The following HEMK2 variants were observed in gnomAD, a reference collection of about 807,000 sequenced individuals.
HEMK2 encodes HemK methyltransferase 2, ETF1 glutamine and histone H4 lysine, also known as methyltransferase HEMK2.
the HEMK2 span, among the ~76,000 whole-genome samples, chr21:28,805,259 C>T: frequency 6.6e-6 from 1 of 152,162 alleles, no homozygotes; most frequent in African/African-American, 2.4e-5. Context: ...GAAATAGTGG[C>T]TTCAGTTCCC....
chr21:28,721,332 C>A, the HEMK2 span, among the ~76,000 whole-genome samples: 2 of 152,042 alleles, frequency 1.3e-5, no homozygotes. Context: ...CCAGGCTGGT[C>A]TCGAACTCCT....
the HEMK2 span, among the ~76,000 whole-genome samples, chr21:28,784,042 C>T: frequency 2.6e-5 from 4 of 152,194 alleles, no homozygotes; most frequent in Non-Finnish European, 4.4e-5. Flanking sequence ...CCTCCCCCCA[C>T]GGCGGTGGGC....
At chr21:28,604,873 T>C in the HEMK2 span, among the ~76,000 whole-genome samples, 1 of 152,212 alleles carries the variant, frequency 6.6e-6, no homozygotes, top group African/African-American at 2.4e-5. Flanking sequence ...AGTTGAAGTC[T>C]TCTTTGATGC....
the HEMK2 span, among the ~76,000 whole-genome samples, chr21:28,731,565 T>C: frequency 7.0e-6 from 1 of 143,448 alleles, no homozygotes; most frequent in African/African-American, 2.6e-5. Context: ...AAGTGAGCAG[T>C]TGCTCACAGG....
the HEMK2 span, among the ~76,000 whole-genome samples, chr21:28,858,068 T>G: frequency 6.6e-6 from 1 of 152,372 alleles, no homozygotes; most frequent in South Asian, 2.1e-4. Flanking sequence ...ACAAAACAGC[T>G]GCAAGGTTCT....
At chr21:28,579,557 A>T in the HEMK2 span, among the ~76,000 whole-genome samples, 1 of 152,176 alleles carries the variant, frequency 6.6e-6, no homozygotes, top group Non-Finnish European at 1.5e-5. Flanking sequence ...AGTATACTTA[A>T]ATGTAGATGT....
the HEMK2 span, among the ~76,000 whole-genome samples, chr21:28,841,766 TACTC>T: frequency 6.6e-6 from 1 of 151,712 alleles, no homozygotes; most frequent in South Asian, 2.1e-4. Flanking sequence ...CTAAAGAACT[TACTC>T]ATGTAACCAA....
the HEMK2 span, among the ~76,000 whole-genome samples, chr21:28,849,188 G>A: frequency 4.6e-5 from 7 of 152,216 alleles, no homozygotes; most frequent in East Asian, 1.3e-3. Context: ...AAAGCCAGGG[G>A]CCCAGTACCA....
chr21:28,729,746 G>A, the HEMK2 span, among the ~76,000 whole-genome samples: 1 of 152,172 alleles, frequency 6.6e-6, no homozygotes, highest in Non-Finnish European at 1.5e-5. Flanking sequence ...ACAGGCTGTG[G>A]GTTGGACAAG....
At chr21:28,680,844 T>C in the HEMK2 span, among the ~76,000 whole-genome samples, 1 of 152,264 alleles carries the variant, frequency 6.6e-6, no homozygotes, top group Non-Finnish European at 1.5e-5. Context: ...TTTGACAAAA[T>C]TCAACAACCC....
the HEMK2 span, among the ~76,000 whole-genome samples, chr21:28,725,844 G>A: frequency 0.47 from 71,102 of 152,034 alleles, 18,409 homozygotes; most frequent in East Asian, 0.84. Flanking sequence ...ACATCTATAG[G>A]CTTTCTTGGT....
chr21:28,675,512 C>A, the HEMK2 span, among the ~76,000 whole-genome samples: 2 of 152,150 alleles, frequency 1.3e-5, no homozygotes, highest in African/African-American at 2.4e-5. Context: ...AAAAAGAGGG[C>A]AAGTTGAACA....
the HEMK2 span, among the ~76,000 whole-genome samples, chr21:28,784,613 C>G: frequency 1.8e-3 from 279 of 152,118 alleles, 3 homozygotes; most frequent in African/African-American, 6.5e-3. Flanking sequence ...AATCAGCACC[C>G]TGTGTCTAGC....
the HEMK2 span, among the ~76,000 whole-genome samples, chr21:28,667,114 T>C: frequency 6.6e-6 from 1 of 152,176 alleles, no homozygotes; most frequent in East Asian, 1.9e-4. Flanking sequence ...GAAATAAAGA[T>C]AATATATATA....
chr21:28,768,225 T>C, the HEMK2 span, among the ~76,000 whole-genome samples: 1 of 152,114 alleles, frequency 6.6e-6, no homozygotes, highest in African/African-American at 2.4e-5. Flanking sequence ...TGGAGACCAC[T>C]GGAGGTTGGT....
chr21:28,788,207 T>C, the HEMK2 span, among the ~76,000 whole-genome samples: 6 of 128,910 alleles, frequency 4.7e-5, no homozygotes, highest in South Asian at 4.5e-4. Flanking sequence ...TACGTATATA[T>C]ACGTATATAT....
At chr21:28,846,137 T>A in the HEMK2 span, among the ~76,000 whole-genome samples, 1,277 of 152,316 alleles carry the variant, frequency 8.4e-3, 16 homozygotes, top group African/African-American at 0.029. Context: ...TTATTCTTTT[T>A]TATGGCCGCA....
the HEMK2 span, among the ~76,000 whole-genome samples, chr21:28,829,483 A>C: frequency 2.0e-5 from 3 of 152,144 alleles, no homozygotes; most frequent in Non-Finnish European, 4.4e-5. Context: ...CTGACATCCT[A>C]TGCCTTTCAC....
the HEMK2 span, among the ~76,000 whole-genome samples, chr21:28,577,832 T>C: frequency 6.6e-6 from 1 of 152,332 alleles, no homozygotes; most frequent in African/African-American, 2.4e-5. Flanking sequence ...TAAATCCTAC[T>C]TCCTCAATAT....
Sources: gnomAD v4.1 joint callset for allele counts (sites outside exome capture counted in the v4.1 genomes callset) on GRCh38, gnomAD v4.1.1 for gene constraint, MANE v1.5 for transcripts, NCBI Gene and HGNC (gene_info 2026-07-23, HGNC 2026-07-21) for gene names.